ADK: variants seen among roughly 807,000 people sequenced by gnomAD.
ADK encodes adenosine kinase.
Under a neutral mutation model 44.7 loss-of-function variants are expected in ADK, and 24 were observed. The observed-to-expected ratio is 0.54, with a 90% CI of 0.39 to 0.76. The LOEUF (loss-of-function observed/expected upper bound fraction) is 0.76. Among genes scored for constraint, ADK ranks in the 30% least tolerant of loss-of-function variants. The pLI is 0.00. For missense variants in ADK, 321 were observed against 425.1 expected, an observed-to-expected ratio of 0.76 and a Z score of 2.15; for synonymous variants, 128 against 142.6, an observed-to-expected ratio of 0.90 and a Z score of 0.73.
intron 9 of ADK, among the ~76,000 whole-genome samples, chr10:74,618,504 G>A (rs1852860402): frequency 6.6e-6 from 1 of 152,018 alleles, no homozygotes. Flanking sequence ...GGCCAGGCTG[G>A]TCACTAACTC....
At chr10:74,490,299 T>A (rs934494838) in intron 6 of ADK, among the ~76,000 whole-genome samples, 4 of 152,104 alleles carry the variant, frequency 2.6e-5, no homozygotes, top group Non-Finnish European at 5.9e-5. Context: ...ACCTATATAC[T>A]AACTTTGAAT....
At chr10:74,556,980 C>T (rs1850275697) in intron 7 of ADK, among the ~76,000 whole-genome samples, 1 of 152,140 alleles carries the variant, frequency 6.6e-6, no homozygotes, top group South Asian at 2.1e-4. Flanking sequence ...TGAAACAGTC[C>T]AAGCACTGGC....
chr10:74,552,662 T>G (rs1263760962), intron 7 of ADK, among the ~76,000 whole-genome samples: 1 of 151,932 alleles, frequency 6.6e-6, no homozygotes, highest in Non-Finnish European at 1.5e-5. Context: ...AGCCACAGAT[T>G]AGGAGAAAAC....
At chr10:74,330,207 G>A (rs1358514926) in intron 4 of ADK, among the ~76,000 whole-genome samples, 1 of 152,014 alleles carries the variant, frequency 6.6e-6, no homozygotes, top group African/African-American at 2.4e-5. Flanking sequence ...ATTATCTAAT[G>A]TGGGTTTTTG....
At chr10:74,705,052 T>C (rs111752685) in intron 10 of ADK, among the ~76,000 whole-genome samples, 6 of 152,380 alleles carry the variant, frequency 3.9e-5, no homozygotes, top group African/African-American at 1.4e-4. Flanking sequence ...CTTATTTGTT[T>C]CATCTAATAC....
chr10:74,570,211 G>A (rs1240787743), intron 7 of ADK, among the ~76,000 whole-genome samples: 1 of 152,028 alleles, frequency 6.6e-6, no homozygotes, highest in Non-Finnish European at 1.5e-5. Flanking sequence ...GTAGCGTGAT[G>A]CCTCCAGCTT....
chr10:74,226,668 C>T (rs1844555801), intron 3 of ADK, among the ~76,000 whole-genome samples: 1 of 151,056 alleles, frequency 6.6e-6, no homozygotes, highest in Admixed American at 6.6e-5. Flanking sequence ...TTCACCTGTT[C>T]TAAAATTTCT....
At chr10:74,227,161 G>A (rs1217259031) in intron 3 of ADK, among the ~76,000 whole-genome samples, 1 of 152,070 alleles carries the variant, frequency 6.6e-6, no homozygotes, top group East Asian at 1.9e-4. Context: ...ATCTTTTTGT[G>A]TTCAAGACTA....
intron 3 of ADK, among the ~76,000 whole-genome samples, chr10:74,279,702 A>AT (rs373556816): frequency 4.0e-4 from 60 of 148,192 alleles, no homozygotes; most frequent in Non-Finnish European, 5.8e-4. Flanking sequence ...CTTACCTCGA[A>AT]TTTTTTTTTT....
At chr10:74,274,982 A>G (rs1846617104) in intron 3 of ADK, among the ~76,000 whole-genome samples, 1 of 151,652 alleles carries the variant, frequency 6.6e-6, no homozygotes, top group African/African-American at 2.4e-5. Context: ...AAGTGGGGAA[A>G]TGGAGAATGT....
At chr10:74,671,522 T>C (rs1428261992) in intron 10 of ADK, among the ~76,000 whole-genome samples, 1 of 152,234 alleles carries the variant, frequency 6.6e-6, no homozygotes, top group East Asian at 1.9e-4. Context: ...TATGATTGTG[T>C]TTTTTATTTC....
intron 4 of ADK, among the ~76,000 whole-genome samples, chr10:74,384,917 T>G (rs891953051): frequency 6.6e-6 from 1 of 152,150 alleles, no homozygotes. Context: ...GGGTAACGAT[T>G]GAAGGACATT....
chr10:74,533,495 A>G (rs530928679), intron 7 of ADK, among the ~76,000 whole-genome samples: 187 of 152,372 alleles, frequency 1.2e-3, no homozygotes, highest in African/African-American at 3.6e-3. Context: ...TTATTTTTCA[A>G]CAATGTTTCA....
At chr10:74,313,099 A>G (rs1840500361) in intron 3 of ADK, among the ~76,000 whole-genome samples, 1 of 151,944 alleles carries the variant, frequency 6.6e-6, no homozygotes, top group Non-Finnish European at 1.5e-5. Context: ...TATTTGCTTT[A>G]GTTTGATTTT....
intron 1 of ADK, among the ~76,000 whole-genome samples, chr10:74,179,245 C>T (rs1312168571): frequency 6.6e-6 from 1 of 152,086 alleles, no homozygotes; most frequent in Non-Finnish European, 1.5e-5. Flanking sequence ...ACATTTAATA[C>T]AATTATGTCA....
intron 6 of ADK, among the ~76,000 whole-genome samples, chr10:74,503,536 A>G (rs1472191009): frequency 2.0e-5 from 3 of 152,204 alleles, no homozygotes; most frequent in Non-Finnish European, 4.4e-5. Flanking sequence ...TTACAAAGTA[A>G]TGAGAGTTAT....
chr10:74,635,921 CAA>C (rs11294383), intron 9 of ADK, among the ~76,000 whole-genome samples: 59 of 129,540 alleles, frequency 4.6e-4, no homozygotes, highest in African/African-American at 7.0e-4. Flanking sequence ...CCATCTCTAC[CAA>C]AAAAAAAAAA....
At chr10:74,388,050 A>C (rs1843204370) in intron 4 of ADK, among the ~76,000 whole-genome samples, 1 of 152,138 alleles carries the variant, frequency 6.6e-6, no homozygotes. Context: ...CTGGGATTAC[A>C]GGCATGCGCC....
At chr10:74,505,567 T>C (rs562865187) in intron 6 of ADK, among the ~76,000 whole-genome samples, 1 of 150,934 alleles carries the variant, frequency 6.6e-6, no homozygotes, top group Non-Finnish European at 1.5e-5. Flanking sequence ...ATGATATCCT[T>C]GATTGACTCT....
Sources: gnomAD v4.1 joint callset for allele counts (sites outside exome capture counted in the v4.1 genomes callset) on GRCh38, gnomAD v4.1.1 for gene constraint, MANE v1.5 for transcripts, NCBI Gene and HGNC (gene_info 2026-07-23, HGNC 2026-07-21) for gene names.